The following CRY1 variants were observed in gnomAD, a reference collection of about 807,000 sequenced individuals.
CRY1 encodes cryptochrome circadian regulator 1.
A neutral mutation model predicts 76.0 loss-of-function variants in CRY1; 45 were observed. That is an observed-to-expected ratio of 0.59 (90% confidence interval 0.47 to 0.76). The LOEUF (loss-of-function observed/expected upper bound fraction) is 0.76. Ranked by LOEUF, CRY1 falls within the 30% of genes least tolerant of loss-of-function variation. The pLI is 0.00. For missense variants in CRY1, 587 were observed against 716.4 expected (o/e 0.82, Z 2.06); for synonymous variants, 248 against 244.0 (o/e 1.02, Z -0.15).
In CRY1 at chr12:107,063,302, G is replaced by C. The variant is rs1038006412; in HGVS notation, c.158+29502C>G. On this transcript the variant is annotated intron_variant, in intron 1 of 12. Coordinates refer to ENST00000008527, the MANE Select transcript of CRY1 (RefSeq NM_004075.5). Reference sequence around the variant, plus strand: ...TCTAGCTTAGGAGCTGAGAGGATACGCTATTAATTAAGAAATAAATTTGGT... The same window carrying C: ...TCTAGCTTAGGAGCTGAGAGGATACCCTATTAATTAAGAAATAAATTTGGT... Among the ~76,000 whole-genome samples the C allele has an allele frequency of 3.3e-5, 5 of 152,140 alleles. No homozygotes were observed. In the East Asian group the frequency reaches 9.6e-4, roughly 29 times the overall value.
chr12:107,076,964 C>T (rs1433301319), intron 1 of CRY1, among the ~76,000 whole-genome samples: 2 of 152,142 alleles, frequency 1.3e-5, no homozygotes, highest in East Asian at 1.9e-4. Context: ...TCCTGAGGCT[C>T]CCCAAAAGCA....
chr12:107,092,176 A>C (rs1341331082), intron 1 of CRY1, among the ~76,000 whole-genome samples: 2 of 152,180 alleles, frequency 1.3e-5, no homozygotes, highest in African/African-American at 4.8e-5. Context: ...AAAGATCATA[A>C]AGCATCTCTA....
intron 1 of CRY1, among the ~76,000 whole-genome samples, chr12:107,069,813 T>A (rs1953166609): frequency 6.7e-6 from 1 of 148,700 alleles, no homozygotes; most frequent in African/African-American, 2.5e-5. Context: ...AGACAGCACA[T>A]CAACAGAAAA....
chr12:106,995,334 G>A (rs1000551972), intron 10 of CRY1, among the ~76,000 whole-genome samples: 2 of 152,118 alleles, frequency 1.3e-5, no homozygotes, highest in Non-Finnish European at 1.5e-5. Context: ...GTTTTCATGA[G>A]GATGCAGGAC....
chr12:107,065,094 A>C (rs1565841331), intron 1 of CRY1, among the ~76,000 whole-genome samples: 1 of 151,938 alleles, frequency 6.6e-6, no homozygotes, highest in Non-Finnish European at 1.5e-5. Flanking sequence ...TCAGGAGTTC[A>C]AGACCAGCCT....
At chr12:107,026,460 C>A (rs1306681644) in intron 1 of CRY1, among the ~76,000 whole-genome samples, 1 of 152,048 alleles carries the variant, frequency 6.6e-6, no homozygotes, top group Non-Finnish European at 1.5e-5. Flanking sequence ...TCTTGAACTC[C>A]TGACCTCAGG....
chr12:107,024,376 T>C (rs1249766123), intron 1 of CRY1, among the ~76,000 whole-genome samples: 2 of 151,974 alleles, frequency 1.3e-5, no homozygotes, highest in East Asian at 3.9e-4. Flanking sequence ...CTTAATAGGC[T>C]GAATAAGCAT....
chr12:106,999,757 C>A lies in CRY1; in HGVS notation c.931G>T (p.Gly311Ter). The A allele has an allele frequency of 6.2e-7, 1 of 1,614,220 alleles. No individual in the cohort carries two copies. The highest frequency in any genetic ancestry group is 8.5e-7 in the Non-Finnish European group (1 of 1,180,040). ...TNNPRFDKME[G>*]NPICVQIPWD... ...GGAATCTGAACACAGATAGGGTTTCCTTCCATTTTATCAAAGCGTGGATTA... is the reference window on the plus strand; with the variant it reads ...GGAATCTGAACACAGATAGGGTTTCATTCCATTTTATCAAAGCGTGGATTA... The change falls in exon 7 of 13, where the codon GGA (glycine) becomes TGA (stop). Residue 311 changes from glycine (G) to a stop codon, truncating the protein, a stop_gained. Transcript: ENST00000008527. LOFTEE classifies it high-confidence loss of function.
intron 2 of CRY1, among the ~76,000 whole-genome samples, chr12:107,008,512 C>T (rs1952399832): frequency 6.6e-6 from 1 of 152,214 alleles, no homozygotes; most frequent in Admixed American, 6.5e-5. Flanking sequence ...TAATAATCCA[C>T]ACTCTGTCTT....
At chr12:107,047,549 T>G (rs140499313) in intron 1 of CRY1, among the ~76,000 whole-genome samples, 2 of 152,160 alleles carry the variant, frequency 1.3e-5, no homozygotes, top group African/African-American at 4.8e-5. Flanking sequence ...GTTCTCCTTA[T>G]AGTGAATTTG....
intron 1 of CRY1, among the ~76,000 whole-genome samples, chr12:107,075,730 A>C (rs532286277): frequency 2.6e-5 from 4 of 152,330 alleles, no homozygotes; most frequent in African/African-American, 9.6e-5. Flanking sequence ...TGGGAAAGGT[A>C]GGCACAAAAA....
chr12:107,069,226 AT>A (rs78170490), intron 1 of CRY1, among the ~76,000 whole-genome samples: 74,002 of 137,672 alleles, frequency 0.54, 19,310 homozygotes, highest in East Asian at 0.66. Context: ...TTCCGTTTAA[AT>A]TTTTTTTTTT....
At chr12:107,019,665 T>TTA (rs1301616740) in intron 2 of CRY1, among the ~76,000 whole-genome samples, 2 of 152,170 alleles carry the variant, frequency 1.3e-5, no homozygotes, top group Non-Finnish European at 2.9e-5. Context: ...GTGCTACAGC[T>TTA]TATGCCTGTA....
chr12:106,992,618 T>A, intron 12 of CRY1, 169 bp downstream of exon 12: 1 of 586,324 alleles, frequency 1.7e-6, no homozygotes, highest in Non-Finnish European at 3.0e-6. Context: ...CCAGTACAGA[T>A]GCATGTCTCT....
At chr12:106,999,064 A>G (rs1952270408) in intron 7 of CRY1, among the ~76,000 whole-genome samples, 1 of 151,252 alleles carries the variant, frequency 6.6e-6, no homozygotes, top group African/African-American at 2.4e-5. Context: ...AAAAAAAAAA[A>G]GTACCTAAGT....
At chr12:107,005,411 A>G (rs763743727) in intron 2 of CRY1, among the ~76,000 whole-genome samples, 163 bp from the exon 3 acceptor site, 1 of 152,248 alleles carries the variant, frequency 6.6e-6, no homozygotes, top group South Asian at 2.1e-4. Flanking sequence ...TAAAAAATAC[A>G]TAAGTAATGA....
intron 1 of CRY1, among the ~76,000 whole-genome samples, chr12:107,045,813 G>T (rs1952842299): frequency 6.6e-6 from 1 of 151,906 alleles, no homozygotes; most frequent in East Asian, 1.9e-4. Context: ...CTGTTGTGGG[G>T]TGCGGGGAGC....
chr12:107,015,555 G>A (rs541607236), intron 2 of CRY1, among the ~76,000 whole-genome samples: 1 of 152,288 alleles, frequency 6.6e-6, no homozygotes, highest in African/African-American at 2.4e-5. Flanking sequence ...ATGTTGTCCA[G>A]GCTTATCTAC....
chr12:107,011,928 T>C (rs1413918130), intron 2 of CRY1, among the ~76,000 whole-genome samples: 1 of 152,124 alleles, frequency 6.6e-6, no homozygotes, highest in Non-Finnish European at 1.5e-5. Flanking sequence ...CTGTGGCTCA[T>C]GCCTGTAATC....
Sources: gnomAD v4.1 joint callset for allele counts (sites outside exome capture counted in the v4.1 genomes callset) on GRCh38, gnomAD v4.1.1 for gene constraint, MANE v1.5 for transcripts, NCBI Gene and HGNC (gene_info 2026-07-23, HGNC 2026-07-21) for gene names.